Variants in CAB39 observed in about 807,000 individuals in gnomAD.
CAB39 encodes calcium-binding protein 39.
CAB39 carries 8 observed loss-of-function variants against 40.0 expected under a neutral mutation model. The ratio of observed to expected loss-of-function variants is 0.20; its 90% CI spans 0.12 to 0.36. The LOEUF (loss-of-function observed/expected upper bound fraction) is 0.36. CAB39 is among the 10% of genes least tolerant of loss of function. CAB39 has a pLI of 1.00. For missense variants in CAB39, 270 were observed against 401.1 expected, an observed-to-expected ratio of 0.67 and a Z score of 2.79; for synonymous variants, 156 against 141.6, an observed-to-expected ratio of 1.10 and a Z score of -0.72.
chr2:230,746,932 A>G (rs904639017), intron 1 of CAB39, among the ~76,000 whole-genome samples: 2 of 152,260 alleles, frequency 1.3e-5, no homozygotes, highest in African/African-American at 4.8e-5. Context: ...AGAGGCCTCC[A>G]GATTAGTTGG....
At chr2:230,816,024 A>G (rs956412817) in intron 7 of CAB39, among the ~76,000 whole-genome samples, 1 of 152,250 alleles carries the variant, frequency 6.6e-6, no homozygotes, top group Non-Finnish European at 1.5e-5. Flanking sequence ...CTGTAATCCC[A>G]GCACTTTGGG....
chr2:230,772,391 T>C (rs1417349941), intron 2 of CAB39, among the ~76,000 whole-genome samples: 1 of 151,854 alleles, frequency 6.6e-6, no homozygotes, highest in Non-Finnish European at 1.5e-5. Context: ...AAATGGAAAA[T>C]ATTGACTATA....
chr2:230,815,613 G>T (rs970513273), intron 7 of CAB39, among the ~76,000 whole-genome samples: 1 of 152,198 alleles, frequency 6.6e-6, no homozygotes, highest in African/African-American at 2.4e-5. Context: ...CAGGGTGGAG[G>T]TTATTGGCAA....
chr2:230,741,701 G>T (rs960942371), intron 1 of CAB39, among the ~76,000 whole-genome samples: 1 of 152,064 alleles, frequency 6.6e-6, no homozygotes, highest in African/African-American at 2.4e-5. Context: ...TATACATTCA[G>T]TTTTTAAAAT....
chr2:230,770,863 A>G (rs1695470083), intron 2 of CAB39, among the ~76,000 whole-genome samples: 1 of 152,172 alleles, frequency 6.6e-6, no homozygotes, highest in African/African-American at 2.4e-5. Context: ...TAATCTCAGC[A>G]AACTAGAAAT....
At position 230,765,469 on chromosome 2, in the gene CAB39, G is replaced by A. The variant is rs535894495; in HGVS notation, c.114+5354G>A. 2.6e-5 allele frequency among the ~76,000 whole-genome samples: 4 copies of A among 152,270 alleles called. No individual in the cohort carries two copies. The South Asian group carries it at 8.3e-4, about 32-fold the overall frequency. ...TGAGGACCTCAAGGGTCCGCACTTT[G>A]AAAGGTACTATGATAGTTAAAAGGC... On this transcript the variant is annotated intron_variant, in intron 2 of 8. Transcript: ENST00000258418.
At chr2:230,744,109 C>T (rs189900573) in intron 1 of CAB39, among the ~76,000 whole-genome samples, 47 of 151,774 alleles carry the variant, frequency 3.1e-4, no homozygotes, top group African/African-American at 9.2e-4. Context: ...TTAGTAGAAA[C>T]GGGTTCACCA....
At chr2:230,719,634 AAC>A (rs1694410768) in intron 1 of CAB39, among the ~76,000 whole-genome samples, 1 of 152,340 alleles carries the variant, frequency 6.6e-6, no homozygotes, top group East Asian at 1.9e-4. Flanking sequence ...TACAGTGGGA[AAC>A]ACAGAAGCCT....
intron 1 of CAB39, among the ~76,000 whole-genome samples, chr2:230,754,604 C>T (rs62193629): frequency 0.11 from 16,918 of 152,014 alleles, 1,175 homozygotes; most frequent in Middle Eastern, 0.16. Context: ...CTGCAACCTC[C>T]GCCTCCCAGG....
At chr2:230,740,378 G>C (rs1392679679) in intron 1 of CAB39, among the ~76,000 whole-genome samples, 4 of 152,170 alleles carry the variant, frequency 2.6e-5, no homozygotes, top group African/African-American at 9.7e-5. Context: ...ACAGCATTAA[G>C]ATCCAAGTAA....
At chr2:230,794,746 C>A (rs1695951542) in intron 4 of CAB39, among the ~76,000 whole-genome samples, 1 of 152,184 alleles carries the variant, frequency 6.6e-6, no homozygotes, top group Non-Finnish European at 1.5e-5. Context: ...ATGTAACATA[C>A]CGGTTCCTAC....
chr2:230,790,390 C>A (rs1408398798), intron 2 of CAB39, among the ~76,000 whole-genome samples: 3 of 152,194 alleles, frequency 2.0e-5, no homozygotes, highest in Non-Finnish European at 2.9e-5. Context: ...GCTTTGCACT[C>A]ACCCATTTTC....
chr2:230,804,534 T>C (rs1696154834), intron 5 of CAB39, among the ~76,000 whole-genome samples: 1 of 152,066 alleles, frequency 6.6e-6, no homozygotes, highest in South Asian at 2.1e-4. Context: ...ACAAAGAACT[T>C]AAACAAATTT....
At chr2:230,818,267 A>AT (rs1696438955) in intron 8 of CAB39, 2 of 483,138 alleles carry the variant, frequency 4.1e-6, no homozygotes, top group Non-Finnish European at 7.2e-6. Flanking sequence ...CAAAGTCTGT[A>AT]TTTAATACTA....
rs183506332 is a variant in CAB39, at chr2:230,722,744, C to T, written c.-44+9514C>T. Among the ~76,000 whole-genome samples the T allele has an allele frequency of 3.2e-4, 49 of 152,340 alleles. 1 individual carries two copies. Among genetic ancestry groups the T allele is most frequent in the Admixed American group, 3.2e-3 (49 of 15,298 alleles). On this transcript the variant is annotated intron_variant, in intron 1 of 8. Transcript: ENST00000258418. The stretch of plus-strand genomic sequence containing the variant: ...TGGCTGAAGTCTCAAATTCTTTCTG[C>T]TGTACTATACGTACTTTGAAAAATA...
intron 5 of CAB39, among the ~76,000 whole-genome samples, chr2:230,803,063 A>G (rs898500300): frequency 6.6e-6 from 1 of 152,360 alleles, no homozygotes; most frequent in Non-Finnish European, 1.5e-5. Flanking sequence ...CACCACGATC[A>G]AGTGGGCTTC....
chr2:230,732,174 C>T (rs1477157724), intron 1 of CAB39, among the ~76,000 whole-genome samples: 2 of 151,918 alleles, frequency 1.3e-5, no homozygotes, highest in African/African-American at 2.4e-5. Context: ...CTCCGCCTCC[C>T]GGGTCCACGC....
rs1012624420 is a variant in CAB39 at position 230,818,956 on chromosome 2, C to G, written c.*252C>G. The stretch of plus-strand genomic sequence containing the variant: ...ATTCAAAGACTGTGCTACGGGAGTT[C>G]TGAACATGGCTGGGTTCATGAAGGC... On this transcript the variant is annotated 3_prime_UTR_variant, in exon 9 of 9. Coordinates refer to ENST00000258418, the MANE Select transcript of CAB39 (RefSeq NM_016289.4). The G allele has an allele frequency of 1.1e-5, 4 of 367,522 alleles. No individual in the cohort carries two copies. Among genetic ancestry groups the G allele is most frequent in the Middle Eastern group, 7.9e-4 (1 of 1,260 alleles). The allele number at this position is 367,522 out of a possible 1,614,324, so 22.8% of individuals were successfully genotyped here.
At chr2:230,740,338 C>T (rs906222267) in intron 1 of CAB39, among the ~76,000 whole-genome samples, 1 of 152,162 alleles carries the variant, frequency 6.6e-6, no homozygotes, top group African/African-American at 2.4e-5. Flanking sequence ...TGACAGGAAT[C>T]TGGTAGGGGA....
Sources: allele counts gnomAD v4.1 joint callset (sites outside exome capture counted in the v4.1 genomes callset), GRCh38; gene constraint gnomAD v4.1.1; transcripts MANE v1.5; gene names NCBI Gene and HGNC (gene_info 2026-07-23, HGNC 2026-07-21).